The following CCDC85A variants were observed in gnomAD, a reference collection of about 807,000 sequenced individuals.
CCDC85A encodes coiled-coil domain containing 85A.
Under a neutral mutation model 50.2 loss-of-function variants are expected in CCDC85A, and 38 were observed. The ratio of observed to expected loss-of-function variants is 0.76; its 90% CI spans 0.58 to 0.99. The LOEUF is 0.99. Among genes scored for constraint, CCDC85A ranks in the 50% least tolerant of loss-of-function variants. The probability of loss-of-function intolerance (pLI) is 0.00; values close to 1 mark genes in which losing one functional copy is unlikely to be tolerated. For synonymous variants in CCDC85A, 366 were observed against 301.4 expected (o/e 1.21, Z -2.22); for missense variants, 820 against 742.0 (o/e 1.11, Z -1.22).
chr2:56,254,810 A>T (rs1669912486), intron 2 of CCDC85A, among the ~76,000 whole-genome samples: 1 of 152,218 alleles, frequency 6.6e-6, no homozygotes, highest in Admixed American at 6.5e-5. Flanking sequence ...TGAAAGAAGA[A>T]TAGTATCACT....
At chr2:56,290,311 TC>T (rs1192518981) in intron 2 of CCDC85A, among the ~76,000 whole-genome samples, 2 of 152,224 alleles carry the variant, frequency 1.3e-5, no homozygotes, top group African/African-American at 4.8e-5. Context: ...TCTATTTTTT[TC>T]AGTCTGCTTT....
chr2:56,188,970 G>A (rs569831516), intron 1 of CCDC85A, among the ~76,000 whole-genome samples: 2 of 152,350 alleles, frequency 1.3e-5, no homozygotes, highest in Non-Finnish European at 2.9e-5. Context: ...TTGATGTCTA[G>A]TGATTGTTCT....
intron 3 of CCDC85A, among the ~76,000 whole-genome samples, chr2:56,359,992 A>G (rs373552656): frequency 5.9e-5 from 9 of 152,166 alleles, no homozygotes; most frequent in East Asian, 1.9e-4. Flanking sequence ...GACTTAGAGG[A>G]AAGTGAGAAG....
At chr2:56,220,321 A>T (rs939402049) in intron 2 of CCDC85A, among the ~76,000 whole-genome samples, 1 of 152,018 alleles carries the variant, frequency 6.6e-6, no homozygotes, top group Non-Finnish European at 1.5e-5. Context: ...TATACTACAC[A>T]TGCTGAATAG....
rs1304784687 is a variant in CCDC85A at position 56,192,841 on chromosome 2, CCAGCACTGG to C, written c.650_658del (p.Gly217_Thr219del). 9 of 1,613,298 alleles carry C rather than the reference CCAGCACTGG, an allele frequency of 5.6e-6. No homozygotes were observed. The highest frequency in any genetic ancestry group is 1.7e-5 in the Admixed American group (1 of 59,976). On this transcript the variant is annotated inframe_deletion, in exon 2 of 6. Coordinates refer to ENST00000407595, the MANE Select transcript of CCDC85A (RefSeq NM_001080433.2). This position sits in a 1 kb window ranked among gnomAD's most constrained non-coding sequence, Gnocchi z 4.7. ...GATGTGGGTGACGGCAGCAGCACCT[CCAGCACTGG>C]CAGCACTGACAGCCCGGACCACCAC...
At chr2:56,267,513 C>T (rs1670505295) in intron 2 of CCDC85A, among the ~76,000 whole-genome samples, 1 of 152,148 alleles carries the variant, frequency 6.6e-6, no homozygotes, top group South Asian at 2.1e-4. Context: ...CAACATAGTA[C>T]ACAGGCCCTT....
At chr2:56,363,338 C>T (rs1379526191) in intron 3 of CCDC85A, among the ~76,000 whole-genome samples, 1 of 152,142 alleles carries the variant, frequency 6.6e-6, no homozygotes, top group African/African-American at 2.4e-5. Flanking sequence ...TTCATTTTGG[C>T]TACTCTCGTT....
chr2:56,193,846 G>C (rs1265465097), intron 2 of CCDC85A, among the ~76,000 whole-genome samples: 2 of 152,138 alleles, frequency 1.3e-5, no homozygotes, highest in Non-Finnish European at 2.9e-5. Flanking sequence ...TTGCCAAAAG[G>C]ATTTTGAATC....
chr2:56,284,257 T>G (rs964632851), intron 2 of CCDC85A, among the ~76,000 whole-genome samples: 3 of 152,234 alleles, frequency 2.0e-5, no homozygotes, highest in African/African-American at 7.2e-5. Context: ...TATTATGTCT[T>G]TTATTGCTCT....
chr2:56,247,301 G>T (rs1401176087), intron 2 of CCDC85A, among the ~76,000 whole-genome samples: 1 of 152,152 alleles, frequency 6.6e-6, no homozygotes, highest in African/African-American at 2.4e-5. Context: ...AGTGAATGAA[G>T]AGAAATTTAA....
At chr2:56,243,768 A>G (rs1181052707) in intron 2 of CCDC85A, among the ~76,000 whole-genome samples, 1 of 152,150 alleles carries the variant, frequency 6.6e-6, no homozygotes, top group Admixed American at 6.5e-5. Context: ...GTTTGTACCT[A>G]TCCTTCTTAG....
intron 2 of CCDC85A, among the ~76,000 whole-genome samples, chr2:56,320,519 C>A (rs1313873450): frequency 6.6e-6 from 1 of 152,134 alleles, no homozygotes; most frequent in Non-Finnish European, 1.5e-5. Context: ...CACCTCTACA[C>A]AAATAAACTA....
intron 3 of CCDC85A, among the ~76,000 whole-genome samples, chr2:56,344,310 A>C (rs1341205049): frequency 1.3e-5 from 2 of 152,322 alleles, no homozygotes; most frequent in South Asian, 2.1e-4. Context: ...TGCTGTGACC[A>C]TTGGTCTGAT....
chr2:56,376,446 C>T (rs887592745), intron 5 of CCDC85A, among the ~76,000 whole-genome samples: 4 of 152,010 alleles, frequency 2.6e-5, no homozygotes, highest in Non-Finnish European at 5.9e-5. Context: ...GTTAATGCCC[C>T]GTTATAGAAT....
At position 56,360,622 on chromosome 2, in the gene CCDC85A, T is replaced by C. The variant is rs376804835; in HGVS notation, c.1318-11722T>C. On this transcript the variant is annotated intron_variant, in intron 3 of 5. Coordinates refer to ENST00000407595, the MANE Select transcript of CCDC85A (RefSeq NM_001080433.2). ...GGCTGTACGTGTTAAGGGCTACCTT[T>C]ACCTGTGTAATTCCCTCAAAATTTT... Among the ~76,000 whole-genome samples the C allele has an allele frequency of 3.3e-5, 5 of 152,342 alleles. No homozygotes were observed. The South Asian group carries it at 8.3e-4, about 25-fold the overall frequency.
chr2:56,222,595 A>T lies in CCDC85A; in HGVS notation c.1240+29155A>T, dbSNP rs1047109754. On this transcript the variant is annotated intron_variant, in intron 2 of 5. Coordinates refer to ENST00000407595, the MANE Select transcript of CCDC85A (RefSeq NM_001080433.2). The stretch of plus-strand genomic sequence containing the variant: ...AGGCCCTCCAGCTATTAGGGAACCC[A>T]TCATGGGTAATCGAGCCATGGAGAG... Among the ~76,000 whole-genome samples, 17 of 152,112 alleles carry T rather than the reference A, an allele frequency of 1.1e-4. 1 individual carries two copies. Among genetic ancestry groups the T allele is most frequent in the Admixed American group, 1.1e-3 (17 of 15,236 alleles).
chr2:56,371,831 T>G (rs1298601733), intron 3 of CCDC85A, among the ~76,000 whole-genome samples: 2 of 152,172 alleles, frequency 1.3e-5, no homozygotes, highest in African/African-American at 4.8e-5. Context: ...TTACATTCTC[T>G]TCAACATGCA....
intron 2 of CCDC85A, among the ~76,000 whole-genome samples, chr2:56,271,680 T>C (rs1670704997): frequency 6.6e-6 from 1 of 152,222 alleles, no homozygotes; most frequent in Non-Finnish European, 1.5e-5. Flanking sequence ...TCTCCGTTGC[T>C]GAACAACTGT....
intron 2 of CCDC85A, among the ~76,000 whole-genome samples, chr2:56,295,838 G>C (rs1255175738): frequency 6.6e-6 from 1 of 152,162 alleles, no homozygotes; most frequent in Non-Finnish European, 1.5e-5. Flanking sequence ...TCAGGCAAAG[G>C]CCAGGTGAGA....
Sources: allele counts gnomAD v4.1 joint callset (sites outside exome capture counted in the v4.1 genomes callset), GRCh38; gene constraint gnomAD v4.1.1; non-coding constraint Gnocchi (gnomAD v3.1); transcripts MANE v1.5; gene names NCBI Gene and HGNC (gene_info 2026-07-23, HGNC 2026-07-21).